MSRB2: variants seen among roughly 807,000 people sequenced by gnomAD.
MSRB2 encodes the protein methionine sulfoxide reductase B2.
A neutral mutation model predicts 19.0 loss-of-function variants in MSRB2; 17 were observed. That is an observed-to-expected ratio of 0.89 (90% CI 0.61 to 1.34). The LOEUF (loss-of-function observed/expected upper bound fraction) is 1.34, where lower values mean the gene tolerates loss of function less well. Ranked by LOEUF, MSRB2 falls within the 40% of genes most tolerant of loss-of-function variation. The pLI is 0.00. For synonymous variants in MSRB2, 107 were observed against 99.7 expected (o/e 1.07, Z -0.44); for missense variants, 208 against 237.6 (o/e 0.88, Z 0.82).
intron 1 of MSRB2, among the ~76,000 whole-genome samples, chr10:23,103,716 G>C (rs189381691): frequency 4.9e-4 from 75 of 152,308 alleles, no homozygotes; most frequent in Non-Finnish European, 7.9e-4. Flanking sequence ...CAAGGGAGAA[G>C]AGTTTAATAA....
intron 1 of MSRB2, 60 bp downstream of exon 1, chr10:23,095,786 G>C: frequency 8.7e-7 from 1 of 1,145,354 alleles, no homozygotes; most frequent in Non-Finnish European, 1.1e-6. Flanking sequence ...CATTTCACCG[G>C]CTGCACCCGG....
At chr10:23,102,493 TTATG>T (rs1451876325) in intron 1 of MSRB2, among the ~76,000 whole-genome samples, 1 of 152,166 alleles carries the variant, frequency 6.6e-6, no homozygotes, top group East Asian at 1.9e-4. Flanking sequence ...CAATTTTCAC[TTATG>T]TGATTTTTTC....
At chr10:23,106,581 G>T (rs1786433214) in intron 2 of MSRB2, among the ~76,000 whole-genome samples, 1 of 152,168 alleles carries the variant, frequency 6.6e-6, no homozygotes, top group South Asian at 2.1e-4. Flanking sequence ...ACAACAGTGA[G>T]ATCAAAAGGT....
intron 2 of MSRB2, among the ~76,000 whole-genome samples, chr10:23,108,475 CTTTTT>C (rs566565955): frequency 7.7e-6 from 1 of 129,262 alleles, no homozygotes; most frequent in Admixed American, 8.0e-5. Context: ...GAAACTTCCT[CTTTTT>C]TTTTTTTTTT....
At chr10:23,096,453 G>A (rs926682717) in intron 1 of MSRB2, among the ~76,000 whole-genome samples, 1 of 151,908 alleles carries the variant, frequency 6.6e-6, no homozygotes, top group African/African-American at 2.4e-5. Context: ...CACCTCGGGA[G>A]ACCTGTGCCA....
chr10:23,106,724 G>A (rs1839991240), intron 2 of MSRB2, among the ~76,000 whole-genome samples: 2 of 152,208 alleles, frequency 1.3e-5, no homozygotes, highest in Non-Finnish European at 2.9e-5. Context: ...CCAGGTTCTG[G>A]CCACTCCCTC....
At chr10:23,113,533 G>A (rs1488163491) in intron 3 of MSRB2, among the ~76,000 whole-genome samples, 1 of 152,254 alleles carries the variant, frequency 6.6e-6, no homozygotes, top group Non-Finnish European at 1.5e-5. Flanking sequence ...GCCATCTTAT[G>A]CTTCTTGGAC....
At chr10:23,095,749 C>CCCG in intron 1 of MSRB2, 23 bp downstream of exon 1, 1 of 1,222,186 alleles carries the variant, frequency 8.2e-7, no homozygotes, top group Non-Finnish European at 1.0e-6. Flanking sequence ...TCCCGCAGGC[C>CCCG]CCGCCGCCGC....
At chr10:23,113,385 C>A (rs1011186100) in intron 3 of MSRB2, among the ~76,000 whole-genome samples, 1 of 151,944 alleles carries the variant, frequency 6.6e-6, no homozygotes, top group Non-Finnish European at 1.5e-5. Context: ...TAGCACACAC[C>A]ATGGGTTTTT....
At position 23,117,464 on chromosome 10, in the gene MSRB2, A is replaced by G. The variant is rs183745841; in HGVS notation, c.297-1840A>G. On this transcript the variant is annotated intron_variant, in intron 3 of 4. Coordinates refer to ENST00000376510, the MANE Select transcript of MSRB2 (RefSeq NM_012228.4). ...AAAGAGCCTTGCAAAATTGTAAAAC[A>G]GTGCAACTCTTCTCATGAAATGTTT... 5.4e-4 allele frequency among the ~76,000 whole-genome samples: 82 copies of G among 152,342 alleles called. 1 individual carries two copies. Among genetic ancestry groups the G allele is most frequent in the Admixed American group, 4.6e-3 (70 of 15,300 alleles).
At chr10:23,096,352 C>CTGTGTG (rs767702970) in intron 1 of MSRB2, among the ~76,000 whole-genome samples, 21,251 of 142,790 alleles carry the variant, frequency 0.15, 1,654 homozygotes, top group East Asian at 0.19. Context: ...CTCTCTCTCT[C>CTGTGTG]TGTGTGTGTG....
At position 23,118,935 on chromosome 10, in the gene MSRB2, C is replaced by G. The variant is rs1046656506; in HGVS notation, c.297-369C>G. 1.2e-5 allele frequency: 5 copies of G among 419,632 alleles called. No homozygotes were observed. In the Admixed American group the frequency reaches 1.2e-4, roughly 10 times the overall value. The allele number at this position is 419,632 out of a possible 1,614,324, so 26.0% of individuals were successfully genotyped here. A position where few individuals can be genotyped will look rare whatever the true frequency, so the allele number is the denominator to read the frequency against. On this transcript the variant is annotated intron_variant, in intron 3 of 4. Coordinates refer to ENST00000376510, the MANE Select transcript of MSRB2 (RefSeq NM_012228.4). ...GCTCTAAGATGATGATGACTTCCTC[C>G]GAGCATTAGTATTTCGTTTTGATTT...
At chr10:23,120,605 A>C (rs1840170549) in intron 4 of MSRB2, among the ~76,000 whole-genome samples, 153 bp from the exon 5 acceptor site, 1 of 152,090 alleles carries the variant, frequency 6.6e-6, no homozygotes, top group Non-Finnish European at 1.5e-5. Context: ...GCTTTCTTTC[A>C]TTTCTTAATT....
At chr10:23,109,588 T>C (rs562364369) in intron 2 of MSRB2, among the ~76,000 whole-genome samples, 1 of 152,102 alleles carries the variant, frequency 6.6e-6, no homozygotes, top group African/African-American at 2.4e-5. Flanking sequence ...TTAAAAAATA[T>C]TGACTTGGCT....
intron 4 of MSRB2, among the ~76,000 whole-genome samples, chr10:23,119,945 C>CA (rs1840163749): frequency 6.6e-6 from 1 of 152,222 alleles, no homozygotes. Flanking sequence ...TCTCTCCCTT[C>CA]AATCTGGGCA....
chr10:23,103,503 A>C (rs548121005), intron 1 of MSRB2, among the ~76,000 whole-genome samples: 1 of 152,368 alleles, frequency 6.6e-6, no homozygotes, highest in East Asian at 1.9e-4. Flanking sequence ...GAATAAATGT[A>C]GTAATATAGA....
At chr10:23,095,838 A>C in intron 1 of MSRB2, 112 bp downstream of exon 1, 2 of 639,642 alleles carry the variant, frequency 3.1e-6, no homozygotes, top group Non-Finnish European at 2.2e-6. Context: ...CCTCCTACTA[A>C]GCCCTCCTCG....
chr10:23,113,687 G>A (rs1195997588), intron 3 of MSRB2, among the ~76,000 whole-genome samples: 1 of 152,176 alleles, frequency 6.6e-6, no homozygotes, highest in Non-Finnish European at 1.5e-5. Flanking sequence ...TCATATTGGA[G>A]TAGGGTCAGC....
intron 3 of MSRB2, among the ~76,000 whole-genome samples, chr10:23,118,031 TTCAGATAAGGGGCAC>T (rs1379728254): frequency 6.6e-6 from 1 of 152,200 alleles, no homozygotes; most frequent in African/African-American, 2.4e-5. Context: ...TCCTAAGCAT[TTCAGATAAGGGGCAC>T]TCAACCTATA....
Sources: allele counts gnomAD v4.1 joint callset (sites outside exome capture counted in the v4.1 genomes callset), GRCh38; gene constraint gnomAD v4.1.1; transcripts MANE v1.5; gene names NCBI Gene and HGNC (gene_info 2026-07-23, HGNC 2026-07-21).